Variants in MAD1L1 observed in about 807,000 individuals in gnomAD.
MAD1L1 encodes mitotic arrest deficient 1 like 1, also known as mitotic spindle assembly checkpoint protein MAD1.
Under a neutral mutation model 96.9 loss-of-function variants are expected in MAD1L1, and 95 were observed. That is an observed-to-expected ratio of 0.98 (90% CI 0.83 to 1.16). The LOEUF (loss-of-function observed/expected upper bound fraction) is 1.16, where lower values mean the gene tolerates loss of function less well. Among genes scored for constraint, MAD1L1 ranks in the 50% most tolerant of loss-of-function variants. The pLI, the probability that MAD1L1 is intolerant of heterozygous loss-of-function variation, is 0.00. For missense variants in MAD1L1, 1,007 were observed against 954.4 expected (o/e 1.06, Z -0.73); for synonymous variants, 473 against 396.6 (o/e 1.19, Z -2.29).
intron 10 of MAD1L1, among the ~76,000 whole-genome samples, chr7:2,175,890 C>A (rs1188605993): frequency 6.6e-6 from 1 of 152,180 alleles, no homozygotes; most frequent in Admixed American, 6.5e-5. Flanking sequence ...GGTGAGAAAT[C>A]AACCAAGTCA....
chr7:1,902,833 C>G (rs1328304902), intron 17 of MAD1L1, among the ~76,000 whole-genome samples: 2 of 149,808 alleles, frequency 1.3e-5, no homozygotes, highest in Non-Finnish European at 2.9e-5. Context: ...AGCAAGGATG[C>G]AGTGGCCTAT....
chr7:1,933,196 A>G (rs1054948816), intron 17 of MAD1L1, among the ~76,000 whole-genome samples: 1 of 152,096 alleles, frequency 6.6e-6, no homozygotes, highest in Non-Finnish European at 1.5e-5. Context: ...CCTGGGTATC[A>G]GCTCCTCACT....
At position 2,119,147 on chromosome 7, in the gene MAD1L1, A is replaced by G. The variant is rs1230957797; in HGVS notation, c.1073+30005T>C. ...TGAAGCCGTGTTTCCACAAAGCAAGAAGGTTCAGGCCAGGCAGCCTGGACT... is the reference window on the plus strand; with the variant it reads ...TGAAGCCGTGTTTCCACAAAGCAAGGAGGTTCAGGCCAGGCAGCCTGGACT... On this transcript the variant is annotated intron_variant, in intron 11 of 18. Coordinates refer to ENST00000265854, the MANE Select transcript of MAD1L1 (RefSeq NM_001013836.2). The surrounding 1 kb of genome is among the most constrained non-coding windows in gnomAD (Gnocchi z 4.6). 6.6e-6 allele frequency among the ~76,000 whole-genome samples: 1 copy of G among 151,720 alleles called. No homozygotes were observed. Among genetic ancestry groups the G allele is most frequent in the African/African-American group, 2.4e-5 (1 of 41,298 alleles).
Position 2,222,570 on chromosome 7 carries a change from C to G in MAD1L1, c.471+5G>C. 6.3e-7 allele frequency: 1 copy of G among 1,589,808 alleles called. No individual in the cohort carries two copies. The highest frequency in any genetic ancestry group is 8.6e-7 in the Non-Finnish European group (1 of 1,167,488). On this transcript the variant is annotated splice_donor_5th_base_variant and intron_variant, in intron 5 of 18. Transcript: ENST00000265854. ...AGCTCCCTGCGCAGCAGAGGCCCCG[C>G]TCACCTCGCCAGCCTGGGCCAGACT...
At chr7:2,218,952 C>T (rs1019630716) in intron 6 of MAD1L1, among the ~76,000 whole-genome samples, 4 of 151,166 alleles carry the variant, frequency 2.6e-5, no homozygotes, top group Admixed American at 6.6e-5. Flanking sequence ...CCCAGTTACT[C>T]GGGAGGCTAA....
chr7:2,146,081 G>A lies in MAD1L1; in HGVS notation c.1073+3071C>T, dbSNP rs190961317. Among the ~76,000 whole-genome samples, 52 of 152,256 alleles carry A rather than the reference G, an allele frequency of 3.4e-4. 1 individual carries two copies. The South Asian group carries it at 0.01, about 30-fold the overall frequency. ...TAGGCTGCTCACAGCGGCACACTAC[G>A]CCGGCTGATAGGCAACATTCATCTT... On this transcript the variant is annotated intron_variant, in intron 11 of 18. Coordinates refer to ENST00000265854, the MANE Select transcript of MAD1L1 (RefSeq NM_001013836.2). This position sits in a 1 kb window ranked among gnomAD's most constrained non-coding sequence, Gnocchi z 6.2.
At chr7:2,082,525 C>G (rs1275847242) in intron 11 of MAD1L1, among the ~76,000 whole-genome samples, 2 of 152,190 alleles carry the variant, frequency 1.3e-5, no homozygotes, top group East Asian at 1.9e-4. Flanking sequence ...GAGCTGGGCT[C>G]TGGCCGGCGT....
chr7:2,230,032 A>G lies in MAD1L1; in HGVS notation c.102T>C (p.Ser34=), dbSNP rs1794114826. The G allele has an allele frequency of 1.9e-6, 3 of 1,613,764 alleles. No homozygotes were observed. Among genetic ancestry groups the G allele is most frequent in the Non-Finnish European group, 2.5e-6 (3 of 1,179,982 alleles). ...TCTGCAGAGAACCTGGGGCCGAGGT[A>G]GAAATATCCAGTCCAGAGCCTCCCT... The part of the protein sequence containing the change: ...RVEGGSGLDI[S]TSAPGSLQMQ... Residue 34 remains serine, a synonymous_variant, in exon 3 of 19, where the codon TCT becomes TCC. Coordinates refer to ENST00000265854, the MANE Select transcript of MAD1L1 (RefSeq NM_001013836.2).
At chr7:2,095,371 T>A (rs954920523) in intron 11 of MAD1L1, among the ~76,000 whole-genome samples, 4 of 151,760 alleles carry the variant, frequency 2.6e-5, no homozygotes, top group African/African-American at 9.7e-5. Flanking sequence ...AATAAAATGT[T>A]TTTGGAAAGA....
chr7:2,057,865 C>T (rs894188753), intron 12 of MAD1L1, among the ~76,000 whole-genome samples: 2 of 152,204 alleles, frequency 1.3e-5, no homozygotes, highest in African/African-American at 4.8e-5. Flanking sequence ...GATGGATTAC[C>T]AAAGCGCCCG....
At chr7:1,947,314 G>A (rs913861152) in intron 16 of MAD1L1, among the ~76,000 whole-genome samples, 5 of 152,232 alleles carry the variant, frequency 3.3e-5, no homozygotes, top group Admixed American at 6.5e-5. Flanking sequence ...CTGTCCCCGT[G>A]TGCCTGACGC....
At chr7:2,187,754 G>A (rs556875641) in intron 10 of MAD1L1, among the ~76,000 whole-genome samples, 16 of 152,240 alleles carry the variant, frequency 1.1e-4, no homozygotes, top group Admixed American at 2.6e-4. Flanking sequence ...TTCCATGTTT[G>A]AGTTGTGAAC....
At chr7:2,170,405 C>A (rs1790654142) in intron 10 of MAD1L1, among the ~76,000 whole-genome samples, 1 of 152,070 alleles carries the variant, frequency 6.6e-6, no homozygotes, top group African/African-American at 2.4e-5. Context: ...AAGGGGAGGG[C>A]AAGTGGGAGG....
intron 15 of MAD1L1, among the ~76,000 whole-genome samples, chr7:1,962,632 A>G (rs768310350): frequency 2.6e-5 from 4 of 152,252 alleles, no homozygotes; most frequent in Non-Finnish European, 5.9e-5. Context: ...AAATTTTAAA[A>G]TGGACAAAAA....
intron 17 of MAD1L1, among the ~76,000 whole-genome samples, chr7:1,914,028 C>G (rs1013030450): frequency 2.0e-5 from 3 of 150,984 alleles, no homozygotes; most frequent in Admixed American, 1.3e-4. Context: ...TCTCCCCCCC[C>G]AGCACGCCTG....
At chr7:2,041,313 C>G (rs565803358) in intron 12 of MAD1L1, among the ~76,000 whole-genome samples, 3 of 152,134 alleles carry the variant, frequency 2.0e-5, no homozygotes, top group African/African-American at 7.2e-5. Context: ...TCTCAAGGAC[C>G]GAGAGCCAAC....
chr7:1,877,562 A>G (rs1341591382), intron 18 of MAD1L1, among the ~76,000 whole-genome samples: 1 of 152,148 alleles, frequency 6.6e-6, no homozygotes, highest in Non-Finnish European at 1.5e-5. Context: ...AATGTCATAA[A>G]AATTATATTA....
chr7:1,933,493 T>C (rs527395093), intron 17 of MAD1L1, among the ~76,000 whole-genome samples: 1 of 152,296 alleles, frequency 6.6e-6, no homozygotes, highest in South Asian at 2.1e-4. Context: ...CTTGGGTCTG[T>C]CCAGGGACCT....
At chr7:1,907,062 G>A (rs1787680410) in intron 17 of MAD1L1, among the ~76,000 whole-genome samples, 1 of 152,082 alleles carries the variant, frequency 6.6e-6, no homozygotes, top group African/African-American at 2.4e-5. Context: ...TGGCTAACAG[G>A]GTCACTGTGA....
Sources: gnomAD v4.1 joint callset for allele counts (sites outside exome capture counted in the v4.1 genomes callset) on GRCh38, gnomAD v4.1.1 for gene constraint, Gnocchi (gnomAD v3.1) non-coding constraint, MANE v1.5 for transcripts, NCBI Gene and HGNC (gene_info 2026-07-23, HGNC 2026-07-21) for gene names.